The following DACH1 variants were observed in gnomAD, a reference collection of about 807,000 sequenced individuals.
DACH1 encodes dachshund family transcription factor 1.
DACH1 carries 12 observed loss-of-function variants against 54.2 expected under a neutral mutation model. The observed-to-expected ratio is 0.22, with a 90% CI of 0.14 to 0.36. The LOEUF (loss-of-function observed/expected upper bound fraction) is 0.36, where lower values mean the gene tolerates loss of function less well. Among genes scored for constraint, DACH1 ranks in the 10% least tolerant of loss-of-function variants. The pLI is 1.00. For missense variants in DACH1, 805 were observed against 929.8 expected (o/e 0.87, Z 1.75); for synonymous variants, 386 against 366.2 (o/e 1.05, Z -0.62).
chr13:71,695,891 T>C (rs1421883855), intron 1 of DACH1, among the ~76,000 whole-genome samples: 1 of 152,172 alleles, frequency 6.6e-6, no homozygotes, highest in Non-Finnish European at 1.5e-5. Flanking sequence ...AAGCAAATAT[T>C]GAGTGTTTAA....
At chr13:71,721,018 C>A (rs2138802632) in intron 1 of DACH1, among the ~76,000 whole-genome samples, 1 of 152,100 alleles carries the variant, frequency 6.6e-6, no homozygotes, top group African/African-American at 2.4e-5. Flanking sequence ...GTAGAACAAA[C>A]AACAATAATA....
intron 10 of DACH1, among the ~76,000 whole-genome samples, chr13:71,464,171 AATACCC>A (rs1437891665): frequency 1.3e-5 from 2 of 152,068 alleles, no homozygotes; most frequent in Non-Finnish European, 2.9e-5. Flanking sequence ...GGATGAGAAA[AATACCC>A]ATACCCTCTA....
intron 3 of DACH1, among the ~76,000 whole-genome samples, chr13:71,630,064 A>G (rs975633222): frequency 6.6e-6 from 1 of 152,184 alleles, no homozygotes; most frequent in African/African-American, 2.4e-5. Context: ...GACCTTGGTA[A>G]CCATTATCTA....
chr13:71,735,659 G>GATATACGTGTATATATATGGT (rs1884079816), intron 1 of DACH1, among the ~76,000 whole-genome samples: 1 of 59,378 alleles, frequency 1.7e-5, no homozygotes, highest in Non-Finnish European at 6.7e-5. Context: ...ATATATATGG[G>GATATACGTGTATATATATGGT]ATTATATATA....
intron 6 of DACH1, among the ~76,000 whole-genome samples, chr13:71,547,119 C>G (rs1207848327): frequency 6.6e-6 from 1 of 152,034 alleles, no homozygotes; most frequent in African/African-American, 2.4e-5. Flanking sequence ...ACTAAACAAC[C>G]TGCCAAATAA....
At chr13:71,855,884 G>C (rs187987312) in intron 1 of DACH1, among the ~76,000 whole-genome samples, 1 of 148,922 alleles carries the variant, frequency 6.7e-6, no homozygotes, top group Non-Finnish European at 1.5e-5. Flanking sequence ...TTAGTAAAGA[G>C]AAATTGATTA....
At chr13:71,704,032 A>T (rs117644612) in intron 1 of DACH1, 2,489 of 154,072 alleles carry the variant, frequency 0.016, 59 homozygotes, top group African/African-American at 0.049. Flanking sequence ...CAAACTACTT[A>T]ATGATGACAT....
rs188693669 is a variant in DACH1 at position 71,473,290 on chromosome 13, T to C, written c.2083+1851A>G. Among the ~76,000 whole-genome samples, 416 of 152,346 alleles carry C rather than the reference T, an allele frequency of 2.7e-3. 2 individuals are homozygous for C. The highest frequency in any genetic ancestry group is 8.7e-3 in the South Asian group (42 of 4,830). On this transcript the variant is annotated intron_variant, in intron 10 of 10. Coordinates refer to ENST00000613252, the MANE Select transcript of DACH1 (RefSeq NM_080759.6). ...CATAAAATGTGTATATGGTTTTAAA[T>C]TACTATGTATAATTGTTGTACAAAT... is the stretch of plus-strand genomic sequence containing the variant.
rs554885122 is a variant in DACH1, at chr13:71,718,309, G to T, written c.849-36399C>A. Among the ~76,000 whole-genome samples, 3 of 152,150 alleles carry T rather than the reference G, an allele frequency of 2.0e-5. No individual in the cohort carries two copies. In the South Asian group the frequency reaches 6.2e-4, roughly 32 times the overall value. ...TAAAAAAAAGCTCTCTTCCGGCTGG[G>T]CACACTGGCTCACACGTGCAATCCC... On this transcript the variant is annotated intron_variant, in intron 1 of 10. Coordinates refer to ENST00000613252, the MANE Select transcript of DACH1 (RefSeq NM_080759.6).
At position 71,688,592 on chromosome 13, in the gene DACH1, C is replaced by T. The variant is rs370386070; in HGVS notation, c.849-6682G>A. ...TCCCAGTCATGTGCACTTCTCAGTA[C>T]AAACAGACTATGAACTAATGCATCA... is the stretch of plus-strand genomic sequence containing the variant. On this transcript the variant is annotated intron_variant, in intron 1 of 10. Coordinates refer to ENST00000613252, the MANE Select transcript of DACH1 (RefSeq NM_080759.6). Among the ~76,000 whole-genome samples the T allele has an allele frequency of 4.0e-4, 61 of 152,226 alleles. 2 individuals are homozygous for T. In the South Asian group the frequency reaches 0.012, roughly 31 times the overall value.
chr13:71,628,232 C>A (rs1345093362), intron 3 of DACH1, among the ~76,000 whole-genome samples: 1 of 152,020 alleles, frequency 6.6e-6, no homozygotes, highest in African/African-American at 2.4e-5. Context: ...TTTGATGCAG[C>A]TCAACCCCCA....
chr13:71,658,626 C>T (rs1879294276), intron 2 of DACH1, among the ~76,000 whole-genome samples: 1 of 152,144 alleles, frequency 6.6e-6, no homozygotes, highest in Non-Finnish European at 1.5e-5. Context: ...ATCTCCTTCA[C>T]TTGGCCTAAA....
chr13:71,541,580 C>T (rs1477179148), intron 6 of DACH1, among the ~76,000 whole-genome samples: 1 of 151,994 alleles, frequency 6.6e-6, no homozygotes, highest in Non-Finnish European at 1.5e-5. Context: ...ATATCTTATT[C>T]TATAGGTTAC....
chr13:71,851,978 GT>G, intron 1 of DACH1, among the ~76,000 whole-genome samples: 1 of 152,212 alleles, frequency 6.6e-6, no homozygotes, highest in Non-Finnish European at 1.5e-5. Context: ...TCTCCGCCTA[GT>G]TAAACTACAC....
At chr13:71,584,004 T>C (rs1263725971) in intron 3 of DACH1, among the ~76,000 whole-genome samples, 2 of 152,158 alleles carry the variant, frequency 1.3e-5, no homozygotes, top group East Asian at 3.9e-4. Flanking sequence ...GTTAAAATAT[T>C]GCACACTTCC....
intron 6 of DACH1, among the ~76,000 whole-genome samples, chr13:71,519,939 G>A (rs1044234183): frequency 1.1e-5 from 1 of 93,274 alleles, no homozygotes; most frequent in African/African-American, 3.5e-5. Context: ...TATTGTGCAG[G>A]CTTAAGCCTT....
intron 10 of DACH1, among the ~76,000 whole-genome samples, chr13:71,457,566 A>T (rs1403240062): frequency 7.9e-5 from 12 of 151,988 alleles, no homozygotes; most frequent in Admixed American, 7.9e-4. Flanking sequence ...ATTTCTAAAA[A>T]CTATTAGGTC....
At chr13:71,741,770 C>G (rs1372170732) in intron 1 of DACH1, among the ~76,000 whole-genome samples, 1 of 152,172 alleles carries the variant, frequency 6.6e-6, no homozygotes, top group South Asian at 2.1e-4. Context: ...ATTTTTCTCT[C>G]ATTTTTTAGG....
chr13:71,586,151 T>G (rs1341505672), intron 3 of DACH1, among the ~76,000 whole-genome samples: 1 of 152,166 alleles, frequency 6.6e-6, no homozygotes, highest in East Asian at 1.9e-4. Flanking sequence ...GGATATAATT[T>G]ACCCTTTCTT....
Sources: gnomAD v4.1 joint callset for allele counts (sites outside exome capture counted in the v4.1 genomes callset) on GRCh38, gnomAD v4.1.1 for gene constraint, MANE v1.5 for transcripts, NCBI Gene and HGNC (gene_info 2026-07-23, HGNC 2026-07-21) for gene names.